TLK1: variants seen among roughly 807,000 people sequenced by gnomAD.
The protein encoded by TLK1 is serine/threonine-protein kinase tousled-like 1.
A neutral mutation model predicts 105.3 loss-of-function variants in TLK1; 24 were observed. The observed-to-expected ratio is 0.23, with a 90% CI of 0.17 to 0.32. The LOEUF (loss-of-function observed/expected upper bound fraction) is 0.32. TLK1 is among the 10% of genes least tolerant of loss of function. The probability of loss-of-function intolerance (pLI) is 1.00; values close to 1 mark genes in which losing one functional copy is unlikely to be tolerated. For synonymous variants in TLK1, 321 were observed against 310.4 expected (o/e 1.03, Z -0.36); for missense variants, 558 against 910.5 (o/e 0.61, Z 4.98).
intron 12 of TLK1, among the ~76,000 whole-genome samples, chr2:171,027,780 C>T (rs920531493): frequency 1.3e-5 from 2 of 152,148 alleles, no homozygotes; most frequent in African/African-American, 4.8e-5. Flanking sequence ...AGAATCATTC[C>T]TCCACTAAAG....
chr2:170,994,774 T>C (rs1398100625), intron 20 of TLK1: 6 of 480,354 alleles, frequency 1.2e-5, no homozygotes, highest in Non-Finnish European at 2.5e-5. Flanking sequence ...TTGAATTTTA[T>C]ATAAATAGAA....
intron 1 of TLK1, among the ~76,000 whole-genome samples, chr2:171,129,984 T>C (rs1228145768): frequency 1.3e-5 from 2 of 152,200 alleles, no homozygotes; most frequent in Non-Finnish European, 2.9e-5. Flanking sequence ...ATTCCTAAAA[T>C]TGATTTCTGT....
chr2:171,193,450 C>G (rs530459183), intron 1 of TLK1, among the ~76,000 whole-genome samples: 22 of 147,374 alleles, frequency 1.5e-4, no homozygotes, highest in African/African-American at 5.1e-4. Flanking sequence ...AGGCTGGAGT[C>G]CAGTGGCGCG....
chr2:171,093,097 G>T (rs1033328077), intron 2 of TLK1, among the ~76,000 whole-genome samples: 2 of 152,130 alleles, frequency 1.3e-5, no homozygotes, highest in African/African-American at 4.8e-5. Context: ...AGTCTCCAAA[G>T]TTTCTGAATC....
At chr2:171,129,029 A>T (rs1265907292) in intron 1 of TLK1, among the ~76,000 whole-genome samples, 2 of 152,122 alleles carry the variant, frequency 1.3e-5, no homozygotes, top group Non-Finnish European at 2.9e-5. Context: ...AGAAAAACAG[A>T]GCATGTACTT....
intron 1 of TLK1, among the ~76,000 whole-genome samples, chr2:171,181,481 G>C (rs917166134): frequency 6.6e-6 from 1 of 152,166 alleles, no homozygotes; most frequent in Non-Finnish European, 1.5e-5. Context: ...CTGAGGGTGG[G>C]TAATTTATAA....
chr2:171,164,721 A>T (rs1306020062), upstream of TLK1, among the ~76,000 whole-genome samples: 1 of 152,250 alleles, frequency 6.6e-6, no homozygotes, highest in Non-Finnish European at 1.5e-5. Context: ...ACATAATTTT[A>T]TAAAATGATT....
chr2:171,157,453 G>C (rs1692283856), intron 1 of TLK1, among the ~76,000 whole-genome samples: 1 of 152,156 alleles, frequency 6.6e-6, no homozygotes, highest in African/African-American at 2.4e-5. Context: ...CTACATCGCT[G>C]AACTCCTCTA....
At chr2:171,203,623 G>A (rs1575657791) in intron 1 of TLK1, among the ~76,000 whole-genome samples, 1 of 152,082 alleles carries the variant, frequency 6.6e-6, no homozygotes, top group Non-Finnish European at 1.5e-5. Context: ...AACACATTTT[G>A]GCTACTGTAA....
At chr2:171,162,676 C>T (rs78701726), upstream of TLK1, among the ~76,000 whole-genome samples, 1,296 of 152,366 alleles carry the variant, frequency 8.5e-3, 16 homozygotes, top group African/African-American at 0.029. Flanking sequence ...TCCTCCTCCA[C>T]ACTACTTCCA....
At chr2:171,018,589 AGAC>A (rs1559345396) in intron 12 of TLK1, among the ~76,000 whole-genome samples, 1 of 152,214 alleles carries the variant, frequency 6.6e-6, no homozygotes, top group Non-Finnish European at 1.5e-5. Context: ...GTTCAGGAGA[AGAC>A]AGGATTAACT....
intron 12 of TLK1, among the ~76,000 whole-genome samples, chr2:171,018,367 C>T (rs148496295): frequency 1.8e-3 from 278 of 152,352 alleles, no homozygotes; most frequent in African/African-American, 6.4e-3. Flanking sequence ...AACACACATA[C>T]TTGTAGATAA....
chr2:171,130,162 G>T (rs1048618598), intron 1 of TLK1, among the ~76,000 whole-genome samples: 4 of 152,166 alleles, frequency 2.6e-5, no homozygotes, highest in Non-Finnish European at 5.9e-5. Context: ...CCAGCACTTT[G>T]GGAGGCTGAG....
At position 170,993,160 on chromosome 2, in the gene TLK1, C is replaced by T. The variant is rs1683859965; in HGVS notation, c.*620G>A. The stretch of plus-strand genomic sequence containing the variant: ...AATATAACCAGTGAAAGAAAACGGA[C>T]ATGTGATCTCGAGGTACAACTTGGT... On this transcript the variant is annotated 3_prime_UTR_variant, in exon 21 of 21. Transcript: ENST00000431350. The T allele has an allele frequency of 6.6e-6, 1 of 152,592 alleles. No homozygotes were observed. Among genetic ancestry groups the T allele is most frequent in the Non-Finnish European group, 1.5e-5 (1 of 68,020 alleles). 9.5% of individuals were successfully genotyped at this position (152,592 alleles called of 1,614,324 possible).
intron 2 of TLK1, among the ~76,000 whole-genome samples, chr2:171,106,340 C>T (rs1255800949): frequency 1.3e-5 from 2 of 152,104 alleles, no homozygotes; most frequent in African/African-American, 2.4e-5. Context: ...GAGCAGATTT[C>T]GAATGTTCCT....
rs1468776503 is a variant in TLK1, at chr2:171,160,067, C to T, written c.139+223G>A. Among the ~76,000 whole-genome samples the T allele has an allele frequency of 1.3e-5, 2 of 152,180 alleles. No homozygotes were observed. Among genetic ancestry groups the T allele is most frequent in the Non-Finnish European group, 2.9e-5 (2 of 68,010 alleles). On this transcript the variant is annotated intron_variant, in intron 1 of 20. Transcript: ENST00000431350. This position sits in a 1 kb window ranked among gnomAD's most constrained non-coding sequence, Gnocchi z 4.4. ...CTCGCCCCGTCCCCACCAGCGCGCA[C>T]CCCCTCGTCCGTCTCCTCCGCCACC...
intron 3 of TLK1, among the ~76,000 whole-genome samples, chr2:171,070,833 T>C (rs920415640): frequency 2.6e-5 from 4 of 152,204 alleles, no homozygotes; most frequent in African/African-American, 7.2e-5. Context: ...TTTCAGCCTT[T>C]TGAGGAACCT....
intron 18 of TLK1, among the ~76,000 whole-genome samples, chr2:171,002,651 G>C (rs1684438594): frequency 6.6e-6 from 1 of 151,984 alleles, no homozygotes; most frequent in South Asian, 2.1e-4. Flanking sequence ...CTTTTCTTTT[G>C]AGACATGTTC....
chr2:171,042,580 C>T (rs1686735414), intron 11 of TLK1, among the ~76,000 whole-genome samples: 1 of 152,114 alleles, frequency 6.6e-6, no homozygotes, highest in Non-Finnish European at 1.5e-5. Context: ...GTATTGACCA[C>T]TTTCCATACA....
Sources: gnomAD v4.1 joint callset for allele counts (sites outside exome capture counted in the v4.1 genomes callset) on GRCh38, gnomAD v4.1.1 for gene constraint, Gnocchi (gnomAD v3.1) non-coding constraint, MANE v1.5 for transcripts, NCBI Gene and HGNC (gene_info 2026-07-23, HGNC 2026-07-21) for gene names.